The following NDUFAF7 variants were observed in gnomAD, a reference collection of about 807,000 sequenced individuals.
NDUFAF7 encodes NADH:ubiquinone oxidoreductase complex assembly factor 7.
NDUFAF7 carries 48 observed loss-of-function variants against 47.2 expected under a neutral mutation model. That is an observed-to-expected ratio of 1.02 (90% confidence interval 0.81 to 1.29). The LOEUF (loss-of-function observed/expected upper bound fraction) is 1.29. Ranked by LOEUF, NDUFAF7 falls within the 50% of genes most tolerant of loss-of-function variation. The probability of loss-of-function intolerance (pLI) is 0.00; values close to 1 mark genes in which losing one functional copy is unlikely to be tolerated. For missense variants in NDUFAF7, 635 were observed against 537.6 expected (o/e 1.18, Z -1.79); for synonymous variants, 217 against 190.0 (o/e 1.14, Z -1.17).
downstream of NDUFAF7, among the ~76,000 whole-genome samples, chr2:37,256,321 G>C (rs566653985): frequency 6.6e-6 from 1 of 152,294 alleles, no homozygotes; most frequent in East Asian, 1.9e-4. Flanking sequence ...CACCATAAAT[G>C]AAAGTAATGT....
At chr2:37,269,694 G>A in the NDUFAF7 span, 1 of 1,594,744 alleles carries the variant, frequency 6.3e-7, no homozygotes. Flanking sequence ...TATCCTGGTA[G>A]GATAAAGTAA....
chr2:37,267,064 T>C, the NDUFAF7 span, among the ~76,000 whole-genome samples: 3 of 152,270 alleles, frequency 2.0e-5, no homozygotes, highest in South Asian at 6.2e-4. Flanking sequence ...ATGAAATAAG[T>C]GCTGTTAAAA....
At chr2:37,257,817 C>T (rs1457671148), downstream of NDUFAF7, among the ~76,000 whole-genome samples, 1 of 151,882 alleles carries the variant, frequency 6.6e-6, no homozygotes, top group Admixed American at 6.6e-5. Flanking sequence ...ATGGGGACAC[C>T]AGTGGAATAA....
Position 37,241,558 on chromosome 2 carries a change from T to C in NDUFAF7, c.409-20T>C. On this transcript the variant is annotated intron_variant, in intron 4 of 9. Coordinates refer to ENST00000002125, the MANE Select transcript of NDUFAF7 (RefSeq NM_144736.5). ...ACCTACTTAACACATTGTATTTTTT[T>C]TTCTTCTTTTGGTATTTAGGTGTTC... The C allele has an allele frequency of 6.3e-7, 1 of 1,587,556 alleles. No individual in the cohort carries two copies. Among genetic ancestry groups the C allele is most frequent in the South Asian group, 1.1e-5 (1 of 89,422 alleles).
intron 2 of NDUFAF7, 41 bp downstream of exon 2, chr2:37,232,307 G>T: frequency 6.2e-7 from 1 of 1,610,422 alleles, no homozygotes; most frequent in Non-Finnish European, 8.5e-7. Flanking sequence ...CTCTCTAGCC[G>T]ATTTGCGAGG....
downstream of NDUFAF7, chr2:37,256,644 T>G: frequency 7.2e-7 from 1 of 1,396,758 alleles, no homozygotes; most frequent in Non-Finnish European, 9.3e-7. Flanking sequence ...TTTTTTTTTT[T>G]TTTTTTTTTT....
At chr2:37,254,383 A>C (rs1481902648), downstream of NDUFAF7, 2 of 913,018 alleles carry the variant, frequency 2.2e-6, no homozygotes, top group African/African-American at 3.3e-5. Context: ...CCATAGAAAT[A>C]CAGGGTTGAG....
rs777365578 is a variant in NDUFAF7, at chr2:37,241,837, C to T, written c.622+46C>T. On this transcript the variant is annotated intron_variant, in intron 5 of 9. Transcript: ENST00000002125. ...TAATGAAAGAATTTTGATCACAACC[C>T]TCACAGTATTGATGGGACTGTAACT... The T allele has an allele frequency of 8.4e-6, 13 of 1,541,166 alleles. 1 individual carries two copies. In the South Asian group the frequency reaches 1.4e-4, roughly 16 times the overall value.
chr2:37,231,743 G>A lies in NDUFAF7; in HGVS notation c.38G>A (p.Cys13Tyr), dbSNP rs1304239314. The change falls in exon 1 of 10, where the codon TGT becomes TAT. Residue 13 changes from cysteine (C) to tyrosine (Y), a missense_variant. Physicochemically the swap from Cys to Tyr is radical, Grantham distance 194 (BLOSUM62 -2). Coordinates refer to ENST00000002125, the MANE Select transcript of NDUFAF7 (RefSeq NM_144736.5). ...VLLRSGLGPL[C>Y]AVARAAIPFI... is the part of the protein sequence containing the mutation. Reference sequence around the variant, plus strand: ...CTGAGGTCAGGTTTGGGGCCGTTGTGTGCCGTGGCGCGCGCAGGTAAGCGT... The same window carrying A: ...CTGAGGTCAGGTTTGGGGCCGTTGTATGCCGTGGCGCGCGCAGGTAAGCGT... 1 of 1,614,136 alleles carries A rather than the reference G, an allele frequency of 6.2e-7. No individual in the cohort carries two copies. The highest frequency in any genetic ancestry group is 8.5e-7 in the Non-Finnish European group (1 of 1,180,050).
chr2:37,249,560 C>G (rs11887928), downstream of NDUFAF7, among the ~76,000 whole-genome samples: 10,858 of 33,986 alleles, frequency 0.32, 604 homozygotes, highest in Middle Eastern at 0.35. Flanking sequence ...CTGTGATAGA[C>G]ACACACACAC....
Position 37,231,729 on chromosome 2 carries a change from T to G in NDUFAF7, c.24T>G (p.Gly8=). The change falls in exon 1 of 10, where the codon GGT becomes GGG. Residue 8 remains glycine, a synonymous_variant. Transcript: ENST00000002125. MSVLLRS[G]LGPLCAVARA... The stretch of plus-strand genomic sequence containing the variant: ...GCATGAGTGTACTGCTGAGGTCAGG[T>G]TTGGGGCCGTTGTGTGCCGTGGCGC... 2 of 1,614,120 alleles carry G rather than the reference T, an allele frequency of 1.2e-6. No individual in the cohort carries two copies. Among genetic ancestry groups the G allele is most frequent in the South Asian group, 1.1e-5 (1 of 91,080 alleles).
At chr2:37,259,786 G>A in the NDUFAF7 span, 1 of 759,820 alleles carries the variant, frequency 1.3e-6, no homozygotes, top group Non-Finnish European at 2.2e-6. Flanking sequence ...AGTTCATCAA[G>A]ACTTAGCTAA....
Position 37,246,113 on chromosome 2 carries a change from T to C in NDUFAF7, c.854T>C (p.Leu285Pro). Residue 285 changes from leucine to proline, a missense_variant, in exon 8 of 10, where the codon CTT becomes CCT. Leu to Pro is a moderately conservative substitution (Grantham distance 98, BLOSUM62 -3). Coordinates refer to ENST00000002125, the MANE Select transcript of NDUFAF7 (RefSeq NM_144736.5). ...CPDAGVIIEELSQRIALTGGA... is the reference protein window; with the variant it reads ...CPDAGVIIEEPSQRIALTGGA... ...GATGCTGGTGTTATCATCGAGGAAC[T>C]TTCTCAACGCATTGCATTAACTGGA... The C allele has an allele frequency of 6.2e-7, 1 of 1,613,998 alleles. No individual in the cohort carries two copies.
At chr2:37,267,641 T>C in the NDUFAF7 span, 7 of 884,420 alleles carry the variant, frequency 7.9e-6, no homozygotes, top group Non-Finnish European at 1.2e-5. Context: ...AATTTTCTTT[T>C]TGGCTCATTT....
intron 2 of NDUFAF7, 60 bp downstream of exon 2, chr2:37,232,326 A>T: frequency 6.2e-7 from 1 of 1,600,684 alleles, no homozygotes; most frequent in Non-Finnish European, 8.5e-7. Flanking sequence ...GGTGCAAGCC[A>T]GGAGGGAGAA....
intron 6 of NDUFAF7, among the ~76,000 whole-genome samples, chr2:37,243,489 TGAG>T (rs1666566615): frequency 6.6e-6 from 1 of 152,050 alleles, no homozygotes. Flanking sequence ...ATTCTTTCTG[TGAG>T]GAGATTTAAG....
At chr2:37,231,831 T>A in intron 1 of NDUFAF7, 71 bp downstream of exon 1, 1 of 1,606,006 alleles carries the variant, frequency 6.2e-7, no homozygotes, top group Non-Finnish European at 8.5e-7. Context: ...GCTCTTCAGT[T>A]GAGGGTACCG....
At chr2:37,239,882 G>T (rs970620840) in intron 4 of NDUFAF7, among the ~76,000 whole-genome samples, 2 of 152,138 alleles carry the variant, frequency 1.3e-5, no homozygotes, top group East Asian at 3.9e-4. Context: ...ATTCAGAATG[G>T]TGGTGACTTC....
intron 7 of NDUFAF7, among the ~76,000 whole-genome samples, chr2:37,245,454 C>T (rs1190174566): frequency 6.6e-6 from 1 of 152,156 alleles, no homozygotes; most frequent in East Asian, 1.9e-4. Flanking sequence ...ATTGTGGCCC[C>T]TTAGTTAAGT....
Sources: allele counts gnomAD v4.1 joint callset (sites outside exome capture counted in the v4.1 genomes callset), GRCh38; gene constraint gnomAD v4.1.1; transcripts MANE v1.5; gene names NCBI Gene and HGNC (gene_info 2026-07-23, HGNC 2026-07-21).